Variants in PALLD observed in about 807,000 individuals in gnomAD.
The protein encoded by PALLD is palladin.
PALLD carries 61 observed loss-of-function variants against 123.5 expected under a neutral mutation model. The ratio of observed to expected loss-of-function variants is 0.49; its 90% CI spans 0.40 to 0.61. PALLD has a LOEUF of 0.61. Among genes scored for constraint, PALLD ranks in the 20% least tolerant of loss-of-function variants. The pLI is 0.00. For missense variants in PALLD, 1,273 were observed against 1,377.0 expected (o/e 0.92, Z 1.20); for synonymous variants, 465 against 496.4 (o/e 0.94, Z 0.84).
intron 2 of PALLD, among the ~76,000 whole-genome samples, chr4:168,517,869 G>T (rs2320076): frequency 0.74 from 112,616 of 152,070 alleles, 41,916 homozygotes; most frequent in East Asian, 0.86. Context: ...CACGTGTTGT[G>T]ACTGCAACAT....
intron 10 of PALLD, among the ~76,000 whole-genome samples, chr4:168,729,695 T>A (rs1786964638): frequency 6.6e-6 from 1 of 152,164 alleles, no homozygotes; most frequent in African/African-American, 2.4e-5. Flanking sequence ...GTGCCATATA[T>A]TTCACTTTTT....
intron 2 of PALLD, among the ~76,000 whole-genome samples, chr4:168,591,619 C>T (rs1019451134): frequency 6.6e-6 from 1 of 152,158 alleles, no homozygotes. Context: ...CAGAAACTCA[C>T]TCAATAACAT....
At chr4:168,842,155 T>C (rs149448761) in intron 10 of PALLD, among the ~76,000 whole-genome samples, 7 of 152,362 alleles carry the variant, frequency 4.6e-5, no homozygotes, top group Non-Finnish European at 8.8e-5. Context: ...TGCTCCTCCT[T>C]TCATTCACCG....
chr4:168,731,938 A>G (rs1458808042), intron 10 of PALLD, among the ~76,000 whole-genome samples: 1 of 152,228 alleles, frequency 6.6e-6, no homozygotes, highest in African/African-American at 2.4e-5. Context: ...ATCATGCAGA[A>G]AACACTTAAC....
At chr4:168,639,646 C>A (rs919722364) in intron 2 of PALLD, among the ~76,000 whole-genome samples, 4 of 151,810 alleles carry the variant, frequency 2.6e-5, no homozygotes, top group Non-Finnish European at 5.9e-5. Flanking sequence ...CAGGTTCACA[C>A]CATTCTCCTG....
chr4:168,536,216 T>C (rs2149493306), intron 2 of PALLD, among the ~76,000 whole-genome samples: 1 of 152,288 alleles, frequency 6.6e-6, no homozygotes, highest in Admixed American at 6.5e-5. Context: ...GCCTGTCCTT[T>C]AACCCAAATA....
intron 10 of PALLD, among the ~76,000 whole-genome samples, chr4:168,729,037 C>T (rs1786885255): frequency 6.6e-6 from 1 of 152,062 alleles, no homozygotes; most frequent in African/African-American, 2.4e-5. Flanking sequence ...AAATTAGGTC[C>T]AACTAATTTA....
At chr4:168,556,217 T>C (rs34883602) in intron 2 of PALLD, among the ~76,000 whole-genome samples, 2,411 of 152,106 alleles carry the variant, frequency 0.016, 28 homozygotes, top group Middle Eastern at 0.037. Flanking sequence ...TGCCTCGGCC[T>C]CCAGAGTAGC....
rs552720855 is a variant in PALLD, at chr4:168,818,022, C to T, written c.1965-72900C>T. Reference sequence around the variant, plus strand: ...ATAGGGAACACACAAAGATTGACCACGGCATGTAGATGATCTTACAATGTA... The same window carrying T: ...ATAGGGAACACACAAAGATTGACCATGGCATGTAGATGATCTTACAATGTA... On this transcript the variant is annotated intron_variant, in intron 10 of 21. Coordinates refer to ENST00000505667, the MANE Select transcript of PALLD (RefSeq NM_001166108.2). Among the ~76,000 whole-genome samples the T allele has an allele frequency of 1.1e-4, 16 of 152,270 alleles. No individual in the cohort carries two copies. The East Asian group carries it at 2.3e-3, about 22-fold the overall frequency.
intron 10 of PALLD, among the ~76,000 whole-genome samples, chr4:168,887,116 CAAAA>C: frequency 1.1e-5 from 1 of 94,554 alleles, no homozygotes; most frequent in African/African-American, 3.9e-5. Flanking sequence ...GACTCTGTCT[CAAAA>C]AAAAAAAAAA....
chr4:168,868,209 T>C (rs1750593774), intron 10 of PALLD, among the ~76,000 whole-genome samples: 1 of 152,188 alleles, frequency 6.6e-6, no homozygotes, highest in African/African-American at 2.4e-5. Flanking sequence ...GATAATTTGC[T>C]GAAGCCATAT....
At chr4:168,678,302 TAA>T (rs938040311) in intron 3 of PALLD, among the ~76,000 whole-genome samples, 1 of 152,078 alleles carries the variant, frequency 6.6e-6, no homozygotes, top group African/African-American at 2.4e-5. Context: ...TGATGATGAT[TAA>T]ATGAGGTAAA....
chr4:168,605,957 T>C lies in PALLD; in HGVS notation c.909-62233T>C, dbSNP rs552373928. ...GCCCAATTTTTTTTTAGGGCAAATT[T>C]CTAGAAATCTCTTTTTTTCATTAAA... On this transcript the variant is annotated intron_variant, in intron 2 of 21. Coordinates refer to ENST00000505667, the MANE Select transcript of PALLD (RefSeq NM_001166108.2). Among the ~76,000 whole-genome samples, 14 of 152,278 alleles carry C rather than the reference T, an allele frequency of 9.2e-5. 1 individual carries two copies. In the East Asian group the frequency reaches 2.3e-3, roughly 25 times the overall value.
At chr4:168,615,229 T>A (rs17054410) in intron 2 of PALLD, among the ~76,000 whole-genome samples, 17,200 of 151,684 alleles carry the variant, frequency 0.11, 1,060 homozygotes, top group African/African-American at 0.13. Flanking sequence ...AGAATAGAAA[T>A]CACATTCATG....
Position 168,841,543 on chromosome 4 carries a change from G to A in PALLD, c.1965-49379G>A, listed in dbSNP as rs148257218. ...GGCCAGCTGCCCTGGGCTGGCAGTT[G>A]AGGAGAAAATGCAGCAGTGGGGTTG... On this transcript the variant is annotated intron_variant, in intron 10 of 21. Transcript: ENST00000505667. Among the ~76,000 whole-genome samples, 42 of 152,336 alleles carry A rather than the reference G, an allele frequency of 2.8e-4. No homozygotes were observed. The East Asian group carries it at 7.3e-3, about 27-fold the overall frequency.
chr4:168,862,162 AGTT>A, intron 10 of PALLD, among the ~76,000 whole-genome samples: 1 of 152,204 alleles, frequency 6.6e-6, no homozygotes, highest in East Asian at 1.9e-4. Flanking sequence ...AAAAAGAAAA[AGTT>A]GTTTTGTTTG....
Position 168,567,542 on chromosome 4 carries a change from G to GGTGT in PALLD, c.908+55153_908+55156dup, listed in dbSNP as rs61409598. On this transcript the variant is annotated intron_variant, in intron 2 of 21. Transcript: ENST00000505667. Reference sequence around the variant, plus strand: ...ATGGTTGATTGGATAAAGAAAATGTGGTGTGTGTGTGTGTGTGTGTGTGTG... The same window carrying GGTGT: ...ATGGTTGATTGGATAAAGAAAATGTGGTGTGTGTGTGTGTGTGTGTGTGTGTGTG... 4.9e-3 allele frequency among the ~76,000 whole-genome samples: 719 copies of GGTGT among 145,462 alleles called. 6 individuals carry two copies. In the East Asian group the frequency reaches 0.054, roughly 11 times the overall value.
chr4:168,640,485 C>T lies in PALLD; in HGVS notation c.909-27705C>T, dbSNP rs184856760. Among the ~76,000 whole-genome samples the T allele has an allele frequency of 4.9e-4, 75 of 152,330 alleles. 1 individual carries two copies. The highest frequency in any genetic ancestry group is 1.8e-3 in the African/African-American group (73 of 41,566). On this transcript the variant is annotated intron_variant, in intron 2 of 21. Transcript: ENST00000505667. ...AGCCAGTAGTCCATCTCCCAGTACA[C>T]ACAAGGCACTCACACAAGGTTATAA...
At position 168,897,296 on chromosome 4, in the gene PALLD, T is replaced by G. The variant is rs554785511; in HGVS notation, c.2250+697T>G. Among the ~76,000 whole-genome samples, 3 of 152,380 alleles carry G rather than the reference T, an allele frequency of 2.0e-5. No homozygotes were observed. The East Asian group carries it at 5.8e-4, about 29-fold the overall frequency. On this transcript the variant is annotated intron_variant, in intron 13 of 21. Coordinates refer to ENST00000505667, the MANE Select transcript of PALLD (RefSeq NM_001166108.2). ...GCAAAACAACTTGTGGTATAACTCTTGCAGTTTTATTCATACTGTTGTATT... is the reference window on the plus strand; with the variant it reads ...GCAAAACAACTTGTGGTATAACTCTGGCAGTTTTATTCATACTGTTGTATT...
Sources: gnomAD v4.1 joint callset for allele counts (sites outside exome capture counted in the v4.1 genomes callset) on GRCh38, gnomAD v4.1.1 for gene constraint, MANE v1.5 for transcripts, NCBI Gene and HGNC (gene_info 2026-07-23, HGNC 2026-07-21) for gene names.